Variants in TPST1 observed in about 807,000 individuals in gnomAD.
TPST1 encodes the protein tyrosylprotein sulfotransferase 1.
A neutral mutation model predicts 34.8 loss-of-function variants in TPST1; 20 were observed. That is an observed-to-expected ratio of 0.57 (90% CI 0.40 to 0.84). TPST1 has a LOEUF of 0.84. TPST1 is among the 40% of genes least tolerant of loss of function. The pLI is 0.00. For missense variants in TPST1, 353 were observed against 455.5 expected, an observed-to-expected ratio of 0.78 and a Z score of 2.05; for synonymous variants, 152 against 159.4, an observed-to-expected ratio of 0.95 and a Z score of 0.35.
chr7:66,263,675 C>T (rs746532376), intron 2 of TPST1, among the ~76,000 whole-genome samples: 2 of 152,178 alleles, frequency 1.3e-5, no homozygotes, highest in African/African-American at 2.4e-5. Context: ...TTTTTAGCCA[C>T]ACAGCATTGT....
intron 3 of TPST1, among the ~76,000 whole-genome samples, chr7:66,350,085 C>T (rs1199838014): frequency 6.6e-6 from 1 of 152,146 alleles, no homozygotes; most frequent in Non-Finnish European, 1.5e-5. Flanking sequence ...CTGAGATCAG[C>T]TCACTGCAGC....
At chr7:66,233,933 T>C (rs1313548982) in intron 1 of TPST1, among the ~76,000 whole-genome samples, 2 of 151,976 alleles carry the variant, frequency 1.3e-5, no homozygotes, top group Non-Finnish European at 2.9e-5. Context: ...GTGATCTTGG[T>C]TCACTGCAAC....
intron 1 of TPST1, among the ~76,000 whole-genome samples, chr7:66,206,640 A>G (rs1401378198): frequency 6.6e-6 from 1 of 152,110 alleles, no homozygotes; most frequent in Non-Finnish European, 1.5e-5. Context: ...TTGCGGTGTA[A>G]TTACTCCCCA....
chr7:66,299,299 GT>G lies in TPST1; in HGVS notation c.1044+12607del, dbSNP rs35066356. The stretch of plus-strand genomic sequence containing the variant: ...ACATGTTGACTACTAATGCTCTTAG[GT>G]TTTTTTTTTTTTTTTTAATTTGAAA... On this transcript the variant is annotated intron_variant, in intron 3 of 5. Transcript: ENST00000304842. Among the ~76,000 whole-genome samples, 236 of 124,286 alleles carry G rather than the reference GT, an allele frequency of 1.9e-3. 1 individual carries two copies. Among genetic ancestry groups the G allele is most frequent in the African/African-American group, 5.1e-3 (167 of 32,826 alleles). 81.5% of individuals were successfully genotyped at this position (124,286 alleles called of 152,430 possible).
At chr7:66,337,794 AT>A (rs528926034) in intron 3 of TPST1, among the ~76,000 whole-genome samples, 5 of 152,264 alleles carry the variant, frequency 3.3e-5, no homozygotes, top group Non-Finnish European at 7.4e-5. Flanking sequence ...CTATTATAAG[AT>A]TTTTTTGTAA....
intron 1 of TPST1, among the ~76,000 whole-genome samples, chr7:66,210,001 C>T (rs1789210689): frequency 1.3e-5 from 2 of 152,026 alleles, no homozygotes; most frequent in Admixed American, 1.3e-4. Flanking sequence ...ACTCTGATCT[C>T]TGGTAGCATT....
chr7:66,242,650 A>G (rs1008741602), intron 2 of TPST1, among the ~76,000 whole-genome samples: 1 of 152,172 alleles, frequency 6.6e-6, no homozygotes, highest in Non-Finnish European at 1.5e-5. Context: ...TGTATTAGGT[A>G]TTTCAGTCTT....
intron 5 of TPST1, among the ~76,000 whole-genome samples, chr7:66,357,882 G>C (rs914566632): frequency 6.6e-6 from 1 of 152,124 alleles, no homozygotes; most frequent in Admixed American, 6.5e-5. Context: ...TCAGGAGTTC[G>C]AGACCAGCCT....
intron 3 of TPST1, among the ~76,000 whole-genome samples, chr7:66,302,700 C>T (rs1188221703): frequency 2.0e-5 from 3 of 152,162 alleles, no homozygotes; most frequent in African/African-American, 7.2e-5. Context: ...AGAACTCATC[C>T]TTCTCCAGAA....
At position 66,332,040 on chromosome 7, in the gene TPST1, G is replaced by A. The variant is rs1056504793; in HGVS notation, c.1045-20465G>A. Among the ~76,000 whole-genome samples, 5 of 152,042 alleles carry A rather than the reference G, an allele frequency of 3.3e-5. No homozygotes were observed. The highest frequency in any genetic ancestry group is 5.9e-5 in the Non-Finnish European group (4 of 68,028). Reference sequence around the variant, plus strand: ...CTGATTCTGCAATATAGTGAGTTGTGTAATAATTTCACTATATATTATGAT... The same window carrying A: ...CTGATTCTGCAATATAGTGAGTTGTATAATAATTTCACTATATATTATGAT... On this transcript the variant is annotated intron_variant, in intron 3 of 5. Coordinates refer to ENST00000304842, the MANE Select transcript of TPST1 (RefSeq NM_003596.4). This position sits in a 1 kb window ranked among gnomAD's most constrained non-coding sequence, Gnocchi z 4.5.
rs963989441 is a variant in TPST1, at chr7:66,284,573, T to A, written c.846-1938T>A. Among the ~76,000 whole-genome samples the A allele has an allele frequency of 3.6e-3, 313 of 87,650 alleles. 2 individuals are homozygous for A. Among genetic ancestry groups the A allele is most frequent in the African/African-American group, 0.014 (301 of 22,076 alleles). 57.5% of individuals were successfully genotyped at this position (87,650 alleles called of 152,430 possible). A position where few individuals can be genotyped will look rare whatever the true frequency, so the allele number is the denominator to read the frequency against. Reference sequence around the variant, plus strand: ...TAGCTTTTTTTTTTTTTTTTTTTTTTAAAGATGGAGTCTTACCCTGTTGCC... The same window carrying A: ...TAGCTTTTTTTTTTTTTTTTTTTTTAAAAGATGGAGTCTTACCCTGTTGCC... On this transcript the variant is annotated intron_variant, in intron 2 of 5. Transcript: ENST00000304842.
intron 1 of TPST1, among the ~76,000 whole-genome samples, chr7:66,227,092 G>A (rs1789673969): frequency 1.5e-5 from 2 of 137,496 alleles, no homozygotes; most frequent in South Asian, 4.5e-4. Context: ...GGAGTGCAGT[G>A]GTGCAGTCTC....
chr7:66,255,906 T>TA (rs1170239997), intron 2 of TPST1, among the ~76,000 whole-genome samples: 2 of 152,208 alleles, frequency 1.3e-5, no homozygotes, highest in African/African-American at 4.8e-5. Flanking sequence ...CAGTTTTTTT[T>TA]AGTCTTCTAC....
the TPST1 span, among the ~76,000 whole-genome samples, chr7:66,198,952 G>C: frequency 1.3e-5 from 2 of 152,182 alleles, no homozygotes; most frequent in African/African-American, 4.8e-5. Context: ...CTCTGATGCT[G>C]TATGCAGGTA....
At chr7:66,210,496 G>T (rs1225885300) in intron 1 of TPST1, among the ~76,000 whole-genome samples, 1 of 152,174 alleles carries the variant, frequency 6.6e-6, no homozygotes, top group Non-Finnish European at 1.5e-5. Context: ...GAGGATGGGG[G>T]ATCGAGGCAT....
chr7:66,320,701 C>T lies in TPST1; in HGVS notation c.1045-31804C>T, dbSNP rs1419202072. On this transcript the variant is annotated intron_variant, in intron 3 of 5. Transcript: ENST00000304842. ...ACAACCTCCGCCTCCCAGGTTCAAG[C>T]GATTCTCCTGCCTCAGCCTCCCGAG... Among the ~76,000 whole-genome samples the T allele has an allele frequency of 3.3e-5, 5 of 151,916 alleles. No homozygotes were observed. In the East Asian group the frequency reaches 7.7e-4, roughly 23 times the overall value.
Position 66,241,213 on chromosome 7 carries a change from A to G in TPST1, c.788A>G (p.His263Arg), listed in dbSNP as rs1194886330. Residue 263 changes from histidine (H) to arginine (R), a missense_variant, in exon 2 of 6, where the codon CAC becomes CGC. Physicochemically the swap from His to Arg is conservative, Grantham distance 29. Transcript: ENST00000304842. The stretch of plus-strand genomic sequence containing the variant: ...AAGTTCCTCCAGATTCCATGGAACC[A>G]CTCAGTATTGCACCATGAAGAGATG... ...LLKFLQIPWN[H>R]SVLHHEEMIG... 8.1e-6 allele frequency: 13 copies of G among 1,614,052 alleles called. No homozygotes were observed. The highest frequency in any genetic ancestry group is 1.1e-5 in the Non-Finnish European group (13 of 1,180,026).
intron 3 of TPST1, among the ~76,000 whole-genome samples, chr7:66,310,963 TTATAGGCA>T (rs1791519531): frequency 6.6e-6 from 1 of 152,078 alleles, no homozygotes; most frequent in African/African-American, 2.4e-5. Flanking sequence ...AGTTCTGGGA[TTATAGGCA>T]TATAGGCATG....
chr7:66,246,974 A>G (rs1212609333), intron 2 of TPST1, among the ~76,000 whole-genome samples: 1 of 152,238 alleles, frequency 6.6e-6, no homozygotes, highest in Non-Finnish European at 1.5e-5. Flanking sequence ...CTGCTACATT[A>G]TTGAGCACCT....
Sources: allele counts gnomAD v4.1 joint callset (sites outside exome capture counted in the v4.1 genomes callset), GRCh38; gene constraint gnomAD v4.1.1; non-coding constraint Gnocchi (gnomAD v3.1); transcripts MANE v1.5; gene names NCBI Gene and HGNC (gene_info 2026-07-23, HGNC 2026-07-21).